Variants in LYPLAL1 observed in about 807,000 individuals in gnomAD.
LYPLAL1 encodes lysophospholipase like 1, also known as lysophospholipase-like protein 1.
A neutral mutation model predicts 19.7 loss-of-function variants in LYPLAL1; 23 were observed. That is an observed-to-expected ratio of 1.17 (90% CI 0.84 to 1.65). The LOEUF is 1.65. LYPLAL1 is among the 40% of genes most tolerant of loss of function. LYPLAL1 has a pLI of 0.00. For missense variants in LYPLAL1, 355 were observed against 279.4 expected (o/e 1.27, Z -1.93); for synonymous variants, 119 against 96.3 (o/e 1.24, Z -1.38).
chr1:219,400,697 A>G, the LYPLAL1 span, among the ~76,000 whole-genome samples: 3 of 152,038 alleles, frequency 2.0e-5, no homozygotes, highest in African/African-American at 7.2e-5. Flanking sequence ...GTGGGGTTTC[A>G]CCATTTTGGC....
the LYPLAL1 span, among the ~76,000 whole-genome samples, chr1:219,393,112 G>T: frequency 6.6e-6 from 1 of 152,270 alleles, no homozygotes; most frequent in Non-Finnish European, 1.5e-5. Flanking sequence ...TGTAAGGGTT[G>T]GTTACTGGGC....
the LYPLAL1 span, among the ~76,000 whole-genome samples, chr1:219,317,194 A>G: frequency 6.6e-6 from 1 of 152,116 alleles, no homozygotes; most frequent in East Asian, 1.9e-4. Flanking sequence ...CTTCATGTCA[A>G]TTTTCTTAAA....
At chr1:219,352,321 G>C in the LYPLAL1 span, among the ~76,000 whole-genome samples, 10 of 152,178 alleles carry the variant, frequency 6.6e-5, no homozygotes, top group African/African-American at 2.2e-4. Flanking sequence ...ACGAGGTCAG[G>C]AGATCGAGAC....
At chr1:219,348,852 G>A in the LYPLAL1 span, among the ~76,000 whole-genome samples, 3 of 152,008 alleles carry the variant, frequency 2.0e-5, no homozygotes, top group Non-Finnish European at 2.9e-5. Flanking sequence ...TAATGGCAAA[G>A]GATGAAAAAA....
the LYPLAL1 span, among the ~76,000 whole-genome samples, chr1:219,241,043 AATATCT>A: frequency 6.8e-6 from 1 of 146,796 alleles, no homozygotes; most frequent in African/African-American, 2.5e-5. Context: ...CCTATCTCAA[AATATCT>A]ATATATATCT....
chr1:219,256,360 A>C, the LYPLAL1 span, among the ~76,000 whole-genome samples: 1 of 151,886 alleles, frequency 6.6e-6, no homozygotes. Flanking sequence ...ATTTTCTCTT[A>C]TTATATTTTG....
chr1:219,401,939 G>A, the LYPLAL1 span, among the ~76,000 whole-genome samples: 3 of 152,118 alleles, frequency 2.0e-5, no homozygotes, highest in Non-Finnish European at 2.9e-5. Context: ...TCAATTGTTA[G>A]CAATAAGGAA....
chr1:219,280,323 ATACTT>A, the LYPLAL1 span, among the ~76,000 whole-genome samples: 1 of 152,298 alleles, frequency 6.6e-6, no homozygotes, highest in East Asian at 1.9e-4. Context: ...ACTTAACAAA[ATACTT>A]GAGTTGGAAT....
chr1:219,193,709 C>T (rs1657382497), intron 3 of LYPLAL1, among the ~76,000 whole-genome samples: 1 of 151,734 alleles, frequency 6.6e-6, no homozygotes. Context: ...CTTTAGCAAG[C>T]CCTGTTCCTA....
chr1:219,299,533 A>G, the LYPLAL1 span, among the ~76,000 whole-genome samples: 184 of 152,212 alleles, frequency 1.2e-3, no homozygotes, highest in Non-Finnish European at 2.2e-3. Flanking sequence ...GTGTTGAGTC[A>G]TCCCCATTGG....
intron 2 of LYPLAL1, among the ~76,000 whole-genome samples, chr1:219,182,701 T>G (rs1462585574): frequency 2.0e-5 from 3 of 152,176 alleles, no homozygotes; most frequent in Non-Finnish European, 4.4e-5. Context: ...TCTCCTGATT[T>G]TTTTCTTTCA....
chr1:219,230,016 TAAATA>T, the LYPLAL1 span, among the ~76,000 whole-genome samples: 1 of 152,202 alleles, frequency 6.6e-6, no homozygotes, highest in Non-Finnish European at 1.5e-5. Flanking sequence ...TTTAGTCACG[TAAATA>T]AAAATAAGAG....
intron 3 of LYPLAL1, among the ~76,000 whole-genome samples, chr1:219,199,628 T>G (rs1013281827): frequency 1.4e-5 from 2 of 147,862 alleles, no homozygotes; most frequent in Non-Finnish European, 3.0e-5. Context: ...TTTCTTTTTT[T>G]TTTTGAGATG....
At chr1:219,312,715 C>T in the LYPLAL1 span, among the ~76,000 whole-genome samples, 2 of 152,086 alleles carry the variant, frequency 1.3e-5, no homozygotes, top group African/African-American at 4.8e-5. Flanking sequence ...ATTTTTGTCC[C>T]AAATCTAACA....
At chr1:219,334,090 T>C in the LYPLAL1 span, among the ~76,000 whole-genome samples, 126 of 152,160 alleles carry the variant, frequency 8.3e-4, 1 homozygote, top group East Asian at 0.012. Context: ...TCACCTTCCC[T>C]TGTAGCTCCT....
chr1:219,366,371 A>T, the LYPLAL1 span, among the ~76,000 whole-genome samples: 6 of 152,216 alleles, frequency 3.9e-5, no homozygotes, highest in Non-Finnish European at 8.8e-5. Context: ...TTTGCCCATA[A>T]ATATCAACTT....
At chr1:219,299,142 T>C in the LYPLAL1 span, among the ~76,000 whole-genome samples, 3 of 29,432 alleles carry the variant, frequency 1.0e-4, no homozygotes, top group East Asian at 9.2e-3. Context: ...TCCCCCAGCT[T>C]TTTTTTTTTT....
chr1:219,317,816 G>A, the LYPLAL1 span, among the ~76,000 whole-genome samples: 1 of 152,116 alleles, frequency 6.6e-6, no homozygotes, highest in South Asian at 2.1e-4. Context: ...CATGCTTTTA[G>A]CCTAGGCATC....
At chr1:219,416,779 G>A in the LYPLAL1 span, among the ~76,000 whole-genome samples, 2 of 152,186 alleles carry the variant, frequency 1.3e-5, no homozygotes, top group Admixed American at 1.3e-4. Flanking sequence ...CTAGTGAGCA[G>A]TAAGGGCAAT....
Sources: allele counts gnomAD v4.1 joint callset (sites outside exome capture counted in the v4.1 genomes callset), GRCh38; gene constraint gnomAD v4.1.1; transcripts MANE v1.5; gene names NCBI Gene and HGNC (gene_info 2026-07-23, HGNC 2026-07-21).